Variants in CHL1 observed in about 807,000 individuals in gnomAD.
CHL1 encodes neural cell adhesion molecule L1-like protein.
In CHL1, 96 loss-of-function variants were observed where a neutral mutation model predicts 141.9. That is an observed-to-expected ratio of 0.68 (90% CI 0.57 to 0.80). The LOEUF (loss-of-function observed/expected upper bound fraction) is 0.80. Ranked by LOEUF, CHL1 falls within the 30% of genes least tolerant of loss-of-function variation. The pLI is 0.00. For synonymous variants in CHL1, 613 were observed against 502.2 expected (o/e 1.22, Z -2.95); for missense variants, 1,820 against 1,457.2 (o/e 1.25, Z -4.05).
chr3:230,546 G>T (rs1195964460), intron 1 of CHL1, among the ~76,000 whole-genome samples: 5 of 151,564 alleles, frequency 3.3e-5, no homozygotes, highest in Admixed American at 3.3e-4. Flanking sequence ...TATTGTTACA[G>T]AAGGACTAGA....
rs114376132 is a variant in CHL1, at chr3:403,259, A to T, written c.3458+1561A>T. Among the ~76,000 whole-genome samples, 1,294 of 152,292 alleles carry T rather than the reference A, an allele frequency of 8.5e-3. 7 individuals carry two copies. Among genetic ancestry groups the T allele is most frequent in the Middle Eastern group, 0.024 (7 of 294 alleles). The stretch of plus-strand genomic sequence containing the variant: ...GAATGTGTGAGCCAGGGAGCAAGAG[A>T]GAGCACCCAAGTTGGAAGCCACAGT... On this transcript the variant is annotated intron_variant, in intron 27 of 27. Transcript: ENST00000256509.
At position 350,132 on chromosome 3, in the gene CHL1, T is replaced by C. The variant is rs58027107; in HGVS notation, c.1033+589T>C. On this transcript the variant is annotated intron_variant, in intron 10 of 27. Transcript: ENST00000256509. ...AAAAAGAATAGACTGTATGCTATAA[T>C]ATTAATTCTCTCAAAAAGTGCAAAA... Among the ~76,000 whole-genome samples, 1,259 of 152,328 alleles carry C rather than the reference T, an allele frequency of 8.3e-3. 18 individuals are homozygous for C. Among genetic ancestry groups the C allele is most frequent in the African/African-American group, 0.029 (1,198 of 41,574 alleles).
At chr3:199,250 C>A (rs1575586655) in intron 1 of CHL1, among the ~76,000 whole-genome samples, 1 of 152,102 alleles carries the variant, frequency 6.6e-6, no homozygotes, top group African/African-American at 2.4e-5. Context: ...TCAATGGAGA[C>A]AAATAGTTAT....
intron 2 of CHL1, among the ~76,000 whole-genome samples, chr3:301,831 G>A (rs559983420): frequency 7.9e-5 from 12 of 152,208 alleles, no homozygotes; most frequent in African/African-American, 1.7e-4. Context: ...TACACATGCC[G>A]TGGTGGTTTG....
At chr3:202,316 A>G (rs574594395) in intron 1 of CHL1, among the ~76,000 whole-genome samples, 22 of 152,276 alleles carry the variant, frequency 1.4e-4, no homozygotes, top group African/African-American at 5.1e-4. Flanking sequence ...GACAGAGCGT[A>G]TGTGTGTGTG....
At chr3:279,129 A>G (rs1696413757) in intron 2 of CHL1, among the ~76,000 whole-genome samples, 1 of 152,216 alleles carries the variant, frequency 6.6e-6, no homozygotes, top group South Asian at 2.1e-4. Flanking sequence ...AAGTCTTAAA[A>G]CTGCAATTTA....
chr3:389,546 C>A lies in CHL1; in HGVS notation c.2470+72C>A, dbSNP rs1181105810. Reference sequence around the variant, plus strand: ...TTCAAATATATTGTACTTCAATCAACAAATATTTGTGAACAACTACTGCAT... The same window carrying A: ...TTCAAATATATTGTACTTCAATCAAAAAATATTTGTGAACAACTACTGCAT... On this transcript the variant is annotated intron_variant, in intron 20 of 27. Coordinates refer to ENST00000256509, the MANE Select transcript of CHL1 (RefSeq NM_006614.4). The A allele has an allele frequency of 5.8e-6, 7 of 1,204,520 alleles. No homozygotes were observed. In the African/African-American group the frequency reaches 7.5e-5, roughly 13 times the overall value. The allele number at this position is 1,204,520 out of a possible 1,614,324, so 74.6% of individuals were successfully genotyped here.
chr3:230,734 G>A (rs891332607), intron 1 of CHL1, among the ~76,000 whole-genome samples: 10 of 152,016 alleles, frequency 6.6e-5, no homozygotes, highest in Middle Eastern at 3.4e-3. Context: ...TTTGTATTGT[G>A]GTAAAATGTA....
intron 2 of CHL1, among the ~76,000 whole-genome samples, chr3:295,280 AG>A (rs1698085353): frequency 6.6e-6 from 1 of 152,224 alleles, no homozygotes; most frequent in Non-Finnish European, 1.5e-5. Context: ...AGAACCAAAA[AG>A]GCCAAGGAAG....
At chr3:283,457 A>C (rs1696839974) in intron 2 of CHL1, among the ~76,000 whole-genome samples, 1 of 152,222 alleles carries the variant, frequency 6.6e-6, no homozygotes, top group Non-Finnish European at 1.5e-5. Context: ...GTATCTATGA[A>C]GTACTTATTC....
chr3:367,885 A>G (rs1304639821), intron 15 of CHL1, among the ~76,000 whole-genome samples: 2 of 151,974 alleles, frequency 1.3e-5, no homozygotes, highest in African/African-American at 4.8e-5. Flanking sequence ...GCTGATGATG[A>G]TGGCTTCCAG....
At chr3:360,457 A>T in intron 12 of CHL1, 33 bp downstream of exon 12, 1 of 1,608,114 alleles carries the variant, frequency 6.2e-7, no homozygotes, top group Non-Finnish European at 8.5e-7. Flanking sequence ...TTAACATGCT[A>T]TTTTCCTAAG....
At chr3:220,710 G>C (rs924577642) in intron 1 of CHL1, among the ~76,000 whole-genome samples, 1 of 152,118 alleles carries the variant, frequency 6.6e-6, no homozygotes, top group African/African-American at 2.4e-5. Flanking sequence ...CTCACAATGA[G>C]AAAATGTTAT....
At chr3:246,285 A>G (rs1363629998) in intron 2 of CHL1, among the ~76,000 whole-genome samples, 1 of 152,228 alleles carries the variant, frequency 6.6e-6, no homozygotes, top group East Asian at 1.9e-4. Context: ...TTCTCTTGAC[A>G]TTATGAAAAT....
At chr3:304,863 C>T (rs1469863964) in intron 2 of CHL1, among the ~76,000 whole-genome samples, 2 of 152,032 alleles carry the variant, frequency 1.3e-5, no homozygotes, top group East Asian at 3.9e-4. Context: ...TTCCTGCTTT[C>T]TCTTGTGGGC....
chr3:331,126 G>C (rs942635779), intron 5 of CHL1, among the ~76,000 whole-genome samples: 3 of 152,300 alleles, frequency 2.0e-5, no homozygotes, highest in African/African-American at 7.2e-5. Flanking sequence ...TAAAAAGTGA[G>C]ACTATTTGAA....
intron 2 of CHL1, among the ~76,000 whole-genome samples, chr3:267,076 T>C (rs1695221092): frequency 6.6e-6 from 1 of 152,208 alleles, no homozygotes; most frequent in African/African-American, 2.4e-5. Context: ...TTTATCTGTT[T>C]TTTGCAGTAT....
intron 4 of CHL1, among the ~76,000 whole-genome samples, chr3:326,911 T>A (rs541966261): frequency 1.4e-3 from 206 of 152,054 alleles, no homozygotes; most frequent in South Asian, 5.8e-3. Context: ...CCCATTAACA[T>A]GCTAAATTAT....
At chr3:300,232 G>A (rs911441189) in intron 2 of CHL1, among the ~76,000 whole-genome samples, 2 of 152,188 alleles carry the variant, frequency 1.3e-5, no homozygotes, top group African/African-American at 2.4e-5. Context: ...ACTACAGTGA[G>A]CAGTGAGGCT....
Sources: gnomAD v4.1 joint callset for allele counts (sites outside exome capture counted in the v4.1 genomes callset) on GRCh38, gnomAD v4.1.1 for gene constraint, MANE v1.5 for transcripts, NCBI Gene and HGNC (gene_info 2026-07-23, HGNC 2026-07-21) for gene names.